POU2F1: variants seen among roughly 807,000 people sequenced by gnomAD.
The protein encoded by POU2F1 is POU domain, class 2, transcription factor 1.
POU2F1 carries 16 observed loss-of-function variants against 84.9 expected under a neutral mutation model. That is an observed-to-expected ratio of 0.19 (90% confidence interval 0.13 to 0.29). The LOEUF (loss-of-function observed/expected upper bound fraction) is 0.29, where lower values mean the gene tolerates loss of function less well. POU2F1 is among the 10% of genes least tolerant of loss of function. The probability of loss-of-function intolerance (pLI) is 1.00; values close to 1 mark genes in which losing one functional copy is unlikely to be tolerated. For synonymous variants in POU2F1, 368 were observed against 368.3 expected (o/e 1.00, Z 0.01); for missense variants, 738 against 942.6 (o/e 0.78, Z 2.84).
chr1:167,227,176 C>T (rs1344371202), intron 1 of POU2F1, among the ~76,000 whole-genome samples: 1 of 152,122 alleles, frequency 6.6e-6, no homozygotes, highest in Non-Finnish European at 1.5e-5. Flanking sequence ...TGTTCACATT[C>T]CACAAAGCTA....
rs1653863287 is a variant in POU2F1 at position 167,290,679 on chromosome 1, ATTATCT to A, written c.62-41787_62-41782del. ...AGTGAATGTGTGAACATTTTATGAA[ATTATCT>A]TTAAGAGTAGTTACTCATGATCAGT... On this transcript the variant is annotated intron_variant, in intron 1 of 15. Transcript: ENST00000367866. Among the ~76,000 whole-genome samples, 3 of 152,330 alleles carry A rather than the reference ATTATCT, an allele frequency of 2.0e-5. No homozygotes were observed. In the South Asian group the frequency reaches 6.2e-4, roughly 32 times the overall value.
intron 2 of POU2F1, among the ~76,000 whole-genome samples, chr1:167,348,980 G>A (rs1210285770): frequency 2.0e-5 from 3 of 151,786 alleles, no homozygotes; most frequent in Non-Finnish European, 4.4e-5. Flanking sequence ...CTTGTCTTTT[G>A]TATTACTTAT....
chr1:167,265,732 T>C (rs1286319252), intron 1 of POU2F1, among the ~76,000 whole-genome samples: 2 of 151,976 alleles, frequency 1.3e-5, no homozygotes, highest in African/African-American at 2.4e-5. Flanking sequence ...GGAGACATTT[T>C]TGATTGTCAC....
intron 1 of POU2F1, among the ~76,000 whole-genome samples, chr1:167,329,535 TAC>T (rs112387313): frequency 3.3e-5 from 5 of 152,282 alleles, no homozygotes; most frequent in African/African-American, 1.2e-4. Flanking sequence ...CGTTAGTAAA[TAC>T]AGTTAATTTA....
intron 2 of POU2F1, among the ~76,000 whole-genome samples, chr1:167,347,257 A>G (rs1658264787): frequency 6.6e-6 from 1 of 152,230 alleles, no homozygotes; most frequent in Non-Finnish European, 1.5e-5. Flanking sequence ...TATTTTCATT[A>G]CACATTAACA....
chr1:167,321,638 C>G (rs1443111481), intron 1 of POU2F1, among the ~76,000 whole-genome samples: 1 of 152,174 alleles, frequency 6.6e-6, no homozygotes, highest in Non-Finnish European at 1.5e-5. Context: ...TACTTAGCAG[C>G]CATTGTTCTA....
In POU2F1 at chr1:167,261,099, C is replaced by T. The variant is rs77763263; in HGVS notation, c.61+40141C>T. Among the ~76,000 whole-genome samples, 23 of 152,214 alleles carry T rather than the reference C, an allele frequency of 1.5e-4. No homozygotes were observed. In the East Asian group the frequency reaches 3.7e-3, roughly 24 times the overall value. On this transcript the variant is annotated intron_variant, in intron 1 of 15. Transcript: ENST00000367866. ...TATAAATGTCTTGTCTGATTTGAAA[C>T]ATTTGAATAGGAGAGTGGTTCCCAG... is the stretch of plus-strand genomic sequence containing the variant.
intron 13 of POU2F1, among the ~76,000 whole-genome samples, chr1:167,411,479 G>A (rs1299493430): frequency 1.3e-5 from 2 of 151,984 alleles, no homozygotes; most frequent in East Asian, 3.8e-4. Flanking sequence ...TGTAGAGAAG[G>A]CATGTAGTCA....
chr1:167,392,211 C>T (rs942560069), intron 9 of POU2F1, among the ~76,000 whole-genome samples: 12 of 151,916 alleles, frequency 7.9e-5, no homozygotes, highest in Non-Finnish European at 1.2e-4. Flanking sequence ...ATTAGCCGGG[C>T]GTGCTGGCGG....
At chr1:167,313,537 A>G (rs1281348217) in intron 1 of POU2F1, among the ~76,000 whole-genome samples, 13 of 152,202 alleles carry the variant, frequency 8.5e-5, no homozygotes, top group Admixed American at 8.5e-4. Context: ...TAGCCAACTT[A>G]TTTGTGACTA....
chr1:167,424,964 G>C lies in POU2F1; in HGVS notation c.*9154G>C, dbSNP rs141054543. On this transcript the variant is annotated 3_prime_UTR_variant, in exon 16 of 16. Transcript: ENST00000367866. ...TTGGGTAGAAGGGAAGACACCAAAG[G>C]CTCCTTTAAGCTGACTGCTGCATAC... 10 of 152,190 alleles carry C rather than the reference G, an allele frequency of 6.6e-5. No individual in the cohort carries two copies. In the South Asian group the frequency reaches 1.0e-3, roughly 16 times the overall value. The allele number at this position is 152,190 out of a possible 1,614,324, so 9.4% of individuals were successfully genotyped here.
chr1:167,283,075 A>G (rs1258365536), intron 1 of POU2F1, among the ~76,000 whole-genome samples: 1 of 152,246 alleles, frequency 6.6e-6, no homozygotes, highest in Non-Finnish European at 1.5e-5. Context: ...TACCTCATTC[A>G]TAGGACAGAT....
In POU2F1 at chr1:167,350,133, A is replaced by G. The variant is rs546995976; in HGVS notation, c.128-15334A>G. The stretch of plus-strand genomic sequence containing the variant: ...CACATCAAGTTAGATTAAGTTCCCA[A>G]TAAGCCAATGATACTAAGTATTATT... On this transcript the variant is annotated intron_variant, in intron 2 of 15. Transcript: ENST00000367866. Among the ~76,000 whole-genome samples the G allele has an allele frequency of 1.9e-4, 29 of 152,362 alleles. No individual in the cohort carries two copies. In the East Asian group the frequency reaches 4.8e-3, roughly 25 times the overall value.
intron 2 of POU2F1, among the ~76,000 whole-genome samples, chr1:167,334,285 G>A (rs565536344): frequency 8.7e-5 from 13 of 150,126 alleles, no homozygotes; most frequent in South Asian, 4.2e-4. Flanking sequence ...CTCAGCCTCC[G>A]GAATAGCTGG....
At chr1:167,347,036 T>C (rs891189333) in intron 2 of POU2F1, among the ~76,000 whole-genome samples, 1 of 152,240 alleles carries the variant, frequency 6.6e-6, no homozygotes, top group African/African-American at 2.4e-5. Context: ...CTGTGGTTGC[T>C]TGACTTTCTG....
intron 1 of POU2F1, among the ~76,000 whole-genome samples, chr1:167,263,209 G>A (rs778219185): frequency 2.0e-5 from 3 of 152,162 alleles, no homozygotes; most frequent in Non-Finnish European, 2.9e-5. Context: ...ATATGTTTTT[G>A]TATATCCAGC....
intron 10 of POU2F1, 75 bp from the exon 11 acceptor site, chr1:167,397,919 T>A: frequency 2.1e-6 from 3 of 1,420,538 alleles, no homozygotes; most frequent in Non-Finnish European, 2.9e-6. Flanking sequence ...TCAGTTTTGT[T>A]GTTAATATGC....
chr1:167,398,955 A>G (rs767474191), intron 11 of POU2F1, among the ~76,000 whole-genome samples: 1 of 152,210 alleles, frequency 6.6e-6, no homozygotes. Context: ...AGATCTTAAA[A>G]ATGAAAAACT....
intron 1 of POU2F1, among the ~76,000 whole-genome samples, chr1:167,243,859 A>G (rs748998452): frequency 1.3e-4 from 20 of 152,320 alleles, no homozygotes; most frequent in Non-Finnish European, 2.8e-4. Context: ...GACCACTATC[A>G]CAAACATACT....
Sources: allele counts gnomAD v4.1 joint callset (sites outside exome capture counted in the v4.1 genomes callset), GRCh38; gene constraint gnomAD v4.1.1; transcripts MANE v1.5; gene names NCBI Gene and HGNC (gene_info 2026-07-23, HGNC 2026-07-21).